Variants in CBL observed in about 807,000 individuals in gnomAD.
The protein encoded by CBL is E3 ubiquitin-protein ligase CBL.
Under a neutral mutation model 96.9 loss-of-function variants are expected in CBL, and 45 were observed. The ratio of observed to expected loss-of-function variants is 0.46; its 90% confidence interval spans 0.37 to 0.60. The LOEUF is 0.60. Ranked by LOEUF, CBL falls within the 20% of genes least tolerant of loss-of-function variation. The probability of loss-of-function intolerance (pLI) is 0.00; values close to 1 mark genes in which losing one functional copy is unlikely to be tolerated. For missense variants in CBL, 1,024 were observed against 1,143.5 expected (o/e 0.90, Z 1.51); for synonymous variants, 420 against 426.8 (o/e 0.98, Z 0.20).
intron 1 of CBL, among the ~76,000 whole-genome samples, chr11:119,229,578 G>T (rs1199932408): frequency 1.3e-5 from 2 of 152,102 alleles, no homozygotes; most frequent in South Asian, 2.1e-4. Flanking sequence ...TTGAGCTCCA[G>T]CCTGAGAGAC....
chr11:119,229,830 T>C (rs1342121546), intron 1 of CBL, among the ~76,000 whole-genome samples: 1 of 151,222 alleles, frequency 6.6e-6, no homozygotes, highest in Admixed American at 6.6e-5. Flanking sequence ...TGGGTTCAAG[T>C]GATTCTCCTG....
chr11:119,304,917 G>A lies in CBL; in HGVS notation c.*5136G>A, dbSNP rs985019007. 5.1e-6 allele frequency: 1 copy of A among 194,448 alleles called. No homozygotes were observed. Among genetic ancestry groups the A allele is most frequent in the South Asian group, 1.9e-4 (1 of 5,188 alleles). The allele number at this position is 194,448 out of a possible 1,614,324, so 12.0% of individuals were successfully genotyped here. A position where few individuals can be genotyped will look rare whatever the true frequency, so the allele number is the denominator to read the frequency against. ...TAAGATTACAGGCGTGAGCCACCGC[G>A]CCCGGCCCATACTTCGTATTCTTAA... On this transcript the variant is annotated 3_prime_UTR_variant, in exon 16 of 16. Coordinates refer to ENST00000264033, the MANE Select transcript of CBL (RefSeq NM_005188.4).
chr11:119,239,795 CTTTT>C (rs374338369), intron 2 of CBL, among the ~76,000 whole-genome samples: 1 of 149,640 alleles, frequency 6.7e-6, no homozygotes, highest in Non-Finnish European at 1.5e-5. Context: ...TTTTTTTTTG[CTTTT>C]TTGTTTTATC....
chr11:119,264,439 TTC>T (rs1949783078), intron 2 of CBL, among the ~76,000 whole-genome samples: 1 of 87,094 alleles, frequency 1.1e-5, no homozygotes, highest in Admixed American at 1.0e-4. Context: ...TTCTCTTCTC[TTC>T]TTTCTCTTCT....
chr11:119,210,912 T>C (rs1485753813), intron 1 of CBL, among the ~76,000 whole-genome samples: 1 of 152,164 alleles, frequency 6.6e-6, no homozygotes, highest in Non-Finnish European at 1.5e-5. Flanking sequence ...AAACCCCCAA[T>C]AGTACTGAAC....
At chr11:119,260,105 CT>C (rs1949743088) in intron 2 of CBL, among the ~76,000 whole-genome samples, 1 of 152,300 alleles carries the variant, frequency 6.6e-6, no homozygotes. Flanking sequence ...TACCTGAACA[CT>C]GAATGTATCC....
chr11:119,231,330 C>T (rs1949500212), intron 1 of CBL, among the ~76,000 whole-genome samples: 1 of 152,140 alleles, frequency 6.6e-6, no homozygotes, highest in Non-Finnish European at 1.5e-5. Flanking sequence ...TTGCTTGAAC[C>T]TGGGAGGCAG....
intron 2 of CBL, among the ~76,000 whole-genome samples, chr11:119,247,628 T>C (rs1949642510): frequency 6.6e-6 from 1 of 152,116 alleles, no homozygotes; most frequent in Non-Finnish European, 1.5e-5. Context: ...CTGGCCAACA[T>C]GGTGAAACCC....
At chr11:119,223,792 A>G (rs797000747) in intron 1 of CBL, among the ~76,000 whole-genome samples, 8 of 151,894 alleles carry the variant, frequency 5.3e-5, no homozygotes, top group African/African-American at 1.9e-4. Context: ...ACACTCAGCT[A>G]ATTTTTGTAT....
rs2509671 is a variant in CBL at position 119,304,365 on chromosome 11, C to A, written c.*4584C>A. On this transcript the variant is annotated 3_prime_UTR_variant, in exon 16 of 16. Transcript: ENST00000264033. ...TTGACTGCTTAGGGATTCTTTGGAT[C>A]CAAGAAACAGAAATGTTCAAGCGGA... 89,072 of 232,766 alleles carry A rather than the reference C, an allele frequency of 0.38. 19,496 individuals are homozygous for A. Among genetic ancestry groups the A allele is most frequent in the African/African-American group, 0.66 (30,050 of 45,278 alleles). 14.4% of individuals were successfully genotyped at this position (232,766 alleles called of 1,614,324 possible).
chr11:119,298,461 G>T lies in CBL; in HGVS notation c.2355G>T (p.Leu785=). The T allele has an allele frequency of 6.2e-7, 1 of 1,614,198 alleles. No individual in the cohort carries two copies. The highest frequency in any genetic ancestry group is 8.5e-7 in the Non-Finnish European group (1 of 1,180,026). Residue 785 remains leucine, a synonymous_variant, in exon 15 of 16, where the codon CTG becomes CTT. Coordinates refer to ENST00000264033, the MANE Select transcript of CBL (RefSeq NM_005188.4). ...DVPKPPVPAV[L]ARRTLSDISN... ...CAAAGCCACCTGTGCCGGCCGTGCT[G>T]GCCCGCCGAACTCTCTCAGATATCT...
chr11:119,278,134 A>G (rs1275585711), intron 7 of CBL, 32 bp from the exon 8 acceptor site: 3 of 1,496,240 alleles, frequency 2.0e-6, no homozygotes, highest in Admixed American at 1.7e-5. Context: ...TATTTATTCA[A>G]CTAATAGTCT....
chr11:119,244,871 G>A (rs2135275271), intron 2 of CBL, among the ~76,000 whole-genome samples: 1 of 151,630 alleles, frequency 6.6e-6, no homozygotes, highest in African/African-American at 2.4e-5. Flanking sequence ...TTGTGAGACA[G>A]GGTCTTGCTT....
chr11:119,283,101 A>G (rs1472439335), intron 9 of CBL, among the ~76,000 whole-genome samples: 1 of 152,212 alleles, frequency 6.6e-6, no homozygotes, highest in East Asian at 1.9e-4. Flanking sequence ...TCTCCCATAA[A>G]TAAGTAAGGT....
chr11:119,237,049 A>G lies in CBL; in HGVS notation c.443+4354A>G, dbSNP rs189805746. Among the ~76,000 whole-genome samples the G allele has an allele frequency of 2.0e-5, 3 of 152,302 alleles. No homozygotes were observed. In the East Asian group the frequency reaches 5.8e-4, roughly 29 times the overall value. On this transcript the variant is annotated intron_variant, in intron 2 of 15. Transcript: ENST00000264033. The stretch of plus-strand genomic sequence containing the variant: ...TCTACTTTATCCCAGCTGGGATGCA[A>G]AGCATCCCTTTGTACAGCATCTCCA...
At chr11:119,258,221 C>T (rs1949725654) in intron 2 of CBL, among the ~76,000 whole-genome samples, 2 of 151,968 alleles carry the variant, frequency 1.3e-5, no homozygotes, top group South Asian at 2.1e-4. Context: ...AGTGAGACTA[C>T]GTCTCAAAAA....
At chr11:119,259,376 G>A (rs1007406647) in intron 2 of CBL, among the ~76,000 whole-genome samples, 1 of 151,816 alleles carries the variant, frequency 6.6e-6, no homozygotes, top group Admixed American at 6.6e-5. Context: ...TTTCTCCCAT[G>A]TATTGTTTAT....
At chr11:119,294,716 G>C (rs981700933) in intron 12 of CBL, among the ~76,000 whole-genome samples, 1 of 151,806 alleles carries the variant, frequency 6.6e-6, no homozygotes, top group Non-Finnish European at 1.5e-5. Flanking sequence ...GCTTGAACCT[G>C]GAAGGCAGAG....
intron 2 of CBL, among the ~76,000 whole-genome samples, chr11:119,260,331 C>T (rs943334587): frequency 6.6e-6 from 1 of 151,652 alleles, no homozygotes; most frequent in African/African-American, 2.4e-5. Context: ...GCAACCTCCA[C>T]CTCCTGGGTT....
Sources: allele counts gnomAD v4.1 joint callset (sites outside exome capture counted in the v4.1 genomes callset), GRCh38; gene constraint gnomAD v4.1.1; transcripts MANE v1.5; gene names NCBI Gene and HGNC (gene_info 2026-07-23, HGNC 2026-07-21).